PIWIL1: variants seen among roughly 807,000 people sequenced by gnomAD.
PIWIL1 encodes the protein piwi-like protein 1.
In PIWIL1, 73 loss-of-function variants were observed where a neutral mutation model predicts 114.4. The ratio of observed to expected loss-of-function variants is 0.64; its 90% CI spans 0.53 to 0.78. The LOEUF (loss-of-function observed/expected upper bound fraction) is 0.78. PIWIL1 is among the 30% of genes least tolerant of loss of function. PIWIL1 has a pLI of 0.00. For missense variants in PIWIL1, 723 were observed against 1,063.1 expected (o/e 0.68, Z 4.45); for synonymous variants, 375 against 369.0 (o/e 1.02, Z -0.19).
chr12:130,422,466 T>G, the PIWIL1 span: 1 of 1,609,908 alleles, frequency 6.2e-7, no homozygotes, highest in Non-Finnish European at 8.5e-7. The surrounding 1 kb of genome is among the most constrained non-coding windows in gnomAD (Gnocchi z 5.2). Flanking sequence ...TGGATGGGAC[T>G]GTCACGGGCC....
At chr12:130,408,985 G>T in the PIWIL1 span, among the ~76,000 whole-genome samples, 232 of 149,526 alleles carry the variant, frequency 1.6e-3, no homozygotes, top group African/African-American at 5.3e-3. Context: ...GTGCACATGT[G>T]TCCTCTGCAG....
At chr12:130,407,332 G>C in the PIWIL1 span, among the ~76,000 whole-genome samples, 135,776 of 152,272 alleles carry the variant, frequency 0.89, 61,031 homozygotes, top group East Asian at 1. Flanking sequence ...CCTATCACTG[G>C]TTTCCTCTCT....
chr12:130,362,889 A>G, intron 17 of PIWIL1, 53 bp downstream of exon 17: 1 of 1,610,922 alleles, frequency 6.2e-7, no homozygotes, highest in Non-Finnish European at 8.5e-7. Context: ...GTCTTCCAGA[A>G]ATTACCCTGA....
the PIWIL1 span, chr12:130,399,163 T>C: frequency 4.3e-6 from 6 of 1,387,338 alleles, no homozygotes; most frequent in Non-Finnish European, 5.6e-6. Context: ...ACTCTTCTTC[T>C]GTTTCCAAGC....
chr12:130,394,650 T>G, the PIWIL1 span, among the ~76,000 whole-genome samples: 1 of 101,154 alleles, frequency 9.9e-6, no homozygotes, highest in East Asian at 3.0e-4. Flanking sequence ...TTCTGGAAGG[T>G]TGGGGATTTT....
At chr12:130,377,736 G>C in the PIWIL1 span, among the ~76,000 whole-genome samples, 1 of 152,234 alleles carries the variant, frequency 6.6e-6, no homozygotes, top group African/African-American at 2.4e-5. Flanking sequence ...CCTTTGGTGT[G>C]GCCCTGTGGC....
At chr12:130,370,741 T>C (rs1263290732) in intron 19 of PIWIL1, among the ~76,000 whole-genome samples, 2 of 152,198 alleles carry the variant, frequency 1.3e-5, no homozygotes, top group African/African-American at 2.4e-5. Flanking sequence ...GGGGAAAAGA[T>C]TCCGTGGTAA....
Position 130,337,997 on chromosome 12 carries a change from G to C in PIWIL1, c.-162G>C. ...CTGCCCGCGTGTCCCTGGCTCTCTC[G>C]GGAACCCAGCGCCGAAGGCGAGGTG... On this transcript the variant is annotated 5_prime_UTR_variant, in exon 1 of 21. Coordinates refer to ENST00000245255, the MANE Select transcript of PIWIL1 (RefSeq NM_004764.5). 1 of 172,174 alleles carries C rather than the reference G, an allele frequency of 5.8e-6. No individual in the cohort carries two copies. Among genetic ancestry groups the C allele is most frequent in the Non-Finnish European group, 1.2e-5 (1 of 81,456 alleles). 10.7% of individuals were successfully genotyped at this position (172,174 alleles called of 1,614,324 possible).
chr12:130,390,567 C>T, the PIWIL1 span, among the ~76,000 whole-genome samples: 328 of 152,278 alleles, frequency 2.2e-3, 1 homozygote, highest in African/African-American at 7.6e-3. Flanking sequence ...TCACTGGTCC[C>T]GTTCACTTTG....
At chr12:130,400,434 C>T in the PIWIL1 span, among the ~76,000 whole-genome samples, 1 of 152,196 alleles carries the variant, frequency 6.6e-6, no homozygotes, top group Non-Finnish European at 1.5e-5. Context: ...TACTCATTTA[C>T]ATATCTATGC....
At chr12:130,403,124 T>G in the PIWIL1 span, among the ~76,000 whole-genome samples, 2 of 152,210 alleles carry the variant, frequency 1.3e-5, no homozygotes, top group African/African-American at 2.4e-5. Context: ...TTGAATTCGC[T>G]CTCTCGAGAT....
the PIWIL1 span, chr12:130,414,486 C>T: frequency 5.2e-6 from 3 of 575,450 alleles, no homozygotes; most frequent in Non-Finnish European, 9.0e-6. Flanking sequence ...ATTGGAGAAG[C>T]ACATAACCAC....
At chr12:130,365,314 G>A (rs943765346) in intron 18 of PIWIL1, among the ~76,000 whole-genome samples, 6 of 152,184 alleles carry the variant, frequency 3.9e-5, no homozygotes, top group Admixed American at 6.5e-5. Context: ...CTTTAGCTTC[G>A]TTTGTAGAAG....
At chr12:130,355,058 A>T in intron 11 of PIWIL1, 53 bp downstream of exon 11, 3 of 1,137,788 alleles carry the variant, frequency 2.6e-6, no homozygotes, top group Non-Finnish European at 2.7e-6. Flanking sequence ...TTAGTATTTT[A>T]TGTGGCTTTG....
chr12:130,366,975 T>G (rs914342999), intron 18 of PIWIL1, among the ~76,000 whole-genome samples, 158 bp from the exon 19 acceptor site: 1 of 152,222 alleles, frequency 6.6e-6, no homozygotes, highest in African/African-American at 2.4e-5. Context: ...TTTACTCCTG[T>G]CAAGAGTAAG....
intron 3 of PIWIL1, among the ~76,000 whole-genome samples, chr12:130,344,306 TCAAAC>T (rs976386513): frequency 3.9e-5 from 6 of 152,156 alleles, no homozygotes; most frequent in African/African-American, 1.2e-4. Flanking sequence ...CATCAATACT[TCAAAC>T]CAAGCCTCTG....
rs749727601 is a variant in PIWIL1 at position 130,349,932 on chromosome 12, G to A, written c.1009G>A (p.Gly337Ser). 6.8e-6 allele frequency: 11 copies of A among 1,612,814 alleles called. No homozygotes were observed. The Admixed American group carries it at 1.0e-4, about 15-fold the overall frequency. ...CAAGAGCACCTTTAAGAAAGCCGACGGCTCTGAAGTCAGCTTCTTAGAATA... is the reference window on the plus strand; with the variant it reads ...CAAGAGCACCTTTAAGAAAGCCGACAGCTCTGAAGTCAGCTTCTTAGAATA... ...NPKSTFKKAD[G>S]SEVSFLEYYR... The change falls in exon 9 of 21, where the codon GGC (glycine) becomes AGC (serine). Residue 337 changes from glycine (G) to serine (S), a missense_variant. Coordinates refer to ENST00000245255, the MANE Select transcript of PIWIL1 (RefSeq NM_004764.5).
chr12:130,343,161 T>C (rs566818894), intron 3 of PIWIL1, 60 bp downstream of exon 3: 1 of 1,192,302 alleles, frequency 8.4e-7, no homozygotes, highest in African/African-American at 1.5e-5. Flanking sequence ...GCAAATTTTA[T>C]TGAATTAAAA....
Position 130,342,967 on chromosome 12 carries a change from T to C in PIWIL1, c.79-23T>C, listed in dbSNP as rs763390790. 16 of 1,575,700 alleles carry C rather than the reference T, an allele frequency of 1.0e-5. No homozygotes were observed. In the South Asian group the frequency reaches 1.8e-4, roughly 17 times the overall value. On this transcript the variant is annotated intron_variant, in intron 2 of 20. Coordinates refer to ENST00000245255, the MANE Select transcript of PIWIL1 (RefSeq NM_004764.5). ...TCTGACCGCTTGACGAAAAGAATGTTCTTTATTTGCATGTAACTACAGAGT... is the reference window on the plus strand; with the variant it reads ...TCTGACCGCTTGACGAAAAGAATGTCCTTTATTTGCATGTAACTACAGAGT...
Sources: allele counts gnomAD v4.1 joint callset (sites outside exome capture counted in the v4.1 genomes callset), GRCh38; gene constraint gnomAD v4.1.1; non-coding constraint Gnocchi (gnomAD v3.1); transcripts MANE v1.5; gene names NCBI Gene and HGNC (gene_info 2026-07-23, HGNC 2026-07-21).